The following LUZP1 variants were observed in gnomAD, a reference collection of about 807,000 sequenced individuals.
LUZP1 encodes the protein leucine zipper protein 1.
In LUZP1, 25 loss-of-function variants were observed where a neutral mutation model predicts 71.3. The observed-to-expected ratio is 0.35, with a 90% CI of 0.26 to 0.49. The LOEUF (loss-of-function observed/expected upper bound fraction) is 0.49. Among genes scored for constraint, LUZP1 ranks in the 20% least tolerant of loss-of-function variants. LUZP1 has a pLI of 0.99. For missense variants in LUZP1, 1,142 were observed against 1,300.8 expected, an observed-to-expected ratio of 0.88 and a Z score of 1.88; for synonymous variants, 481 against 506.4, an observed-to-expected ratio of 0.95 and a Z score of 0.67.
intron 2 of LUZP1, among the ~76,000 whole-genome samples, chr1:23,136,937 T>G (rs1644259378): frequency 6.6e-6 from 1 of 151,738 alleles, no homozygotes; most frequent in Admixed American, 6.6e-5. Context: ...AAATAAAAGT[T>G]CCCCAGTTCC....
At chr1:23,118,075 G>T (rs1644100207) in intron 2 of LUZP1, among the ~76,000 whole-genome samples, 1 of 152,056 alleles carries the variant, frequency 6.6e-6, no homozygotes, top group Non-Finnish European at 1.5e-5. Flanking sequence ...GGGCGACAGA[G>T]CGAGACTCCA....
chr1:23,173,350 C>CTTTTTTTTTTTTTTTTTTT (rs869169060), intron 1 of LUZP1, among the ~76,000 whole-genome samples: 441 of 80,262 alleles, frequency 5.5e-3, no homozygotes, highest in Non-Finnish European at 8.4e-3. Flanking sequence ...TTTGTTTTTT[C>CTTTTTTTTTTTTTTTTTTT]TTTTTTTTTT....
intron 2 of LUZP1, among the ~76,000 whole-genome samples, chr1:23,117,519 C>T (rs57019060): frequency 2.9e-4 from 9 of 31,022 alleles, no homozygotes; most frequent in South Asian, 2.0e-3. Context: ...GGGGGGGGGG[C>T]GGGGGGGGGG....
exon 4 of LUZP1, chr1:23,091,811 C>G (rs916031865): frequency 1.2e-6 from 2 of 1,613,948 alleles, no homozygotes; most frequent in Non-Finnish European, 1.7e-6. Context: ...TGGATGTGTG[C>G]CTCTCCCTCA....
chr1:23,121,122 A>C (rs1644126332), intron 2 of LUZP1, among the ~76,000 whole-genome samples: 1 of 152,226 alleles, frequency 6.6e-6, no homozygotes, highest in Non-Finnish European at 1.5e-5. Context: ...TTATAAACAA[A>C]GCTAAAAAAA....
intron 2 of LUZP1, among the ~76,000 whole-genome samples, chr1:23,126,597 C>G (rs1017967999): frequency 2.0e-5 from 3 of 152,194 alleles, no homozygotes; most frequent in African/African-American, 7.2e-5. Flanking sequence ...ATTCCTAGAA[C>G]CCAGAACAGT....
At chr1:23,096,002 A>T (rs1454898333) in intron 3 of LUZP1, among the ~76,000 whole-genome samples, 2 of 152,172 alleles carry the variant, frequency 1.3e-5, no homozygotes, top group Non-Finnish European at 2.9e-5. Flanking sequence ...TACAAAACAC[A>T]TAAAGATCCA....
chr1:23,110,126 G>A (rs1359895291), intron 2 of LUZP1, among the ~76,000 whole-genome samples: 1 of 152,150 alleles, frequency 6.6e-6, no homozygotes, highest in Admixed American at 6.5e-5. Context: ...TTAAACTCAA[G>A]TCTGTCTGAC....
At chr1:23,119,649 C>T (rs939165230) in intron 2 of LUZP1, among the ~76,000 whole-genome samples, 1 of 152,190 alleles carries the variant, frequency 6.6e-6, no homozygotes, top group African/African-American at 2.4e-5. Flanking sequence ...ACTTGTTACT[C>T]TCCTGTACCA....
intron 2 of LUZP1, among the ~76,000 whole-genome samples, chr1:23,146,632 T>C (rs1420277152): frequency 6.8e-6 from 1 of 146,364 alleles, no homozygotes; most frequent in Admixed American, 6.9e-5. Context: ...ACCCCATCTC[T>C]ATCAAAACAA....
At chr1:23,172,942 C>A (rs1046560744) in intron 1 of LUZP1, among the ~76,000 whole-genome samples, 5 of 151,866 alleles carry the variant, frequency 3.3e-5, no homozygotes, top group Admixed American at 1.3e-4. Context: ...CCTTCCCCAG[C>A]CTGCTGAGTA....
intron 2 of LUZP1, among the ~76,000 whole-genome samples, chr1:23,148,033 T>C (rs544578023): frequency 6.6e-6 from 1 of 152,372 alleles, no homozygotes; most frequent in South Asian, 2.1e-4. Context: ...TCTAATTACA[T>C]GAGAGTCACT....
At chr1:23,134,677 A>T (rs1043963757) in intron 2 of LUZP1, among the ~76,000 whole-genome samples, 1 of 151,936 alleles carries the variant, frequency 6.6e-6, no homozygotes, top group African/African-American at 2.4e-5. Flanking sequence ...GCTACTTGGG[A>T]GAGGCTGAGG....
At chr1:23,116,733 C>T (rs1203685250) in intron 2 of LUZP1, among the ~76,000 whole-genome samples, 1 of 152,136 alleles carries the variant, frequency 6.6e-6, no homozygotes, top group East Asian at 1.9e-4. Context: ...AGGGTACTAT[C>T]CTAGCACTGT....
At position 23,141,581 on chromosome 1, in the gene LUZP1, G is replaced by A. The variant is rs539267245; in HGVS notation, c.-226+27185C>T. Among the ~76,000 whole-genome samples, 52 of 152,304 alleles carry A rather than the reference G, an allele frequency of 3.4e-4. No homozygotes were observed. In the East Asian group the frequency reaches 4.2e-3, roughly 12 times the overall value. On this transcript the variant is annotated intron_variant, in intron 2 of 4. Transcript: ENST00000302291. ...GGGCAGCAAGGTGGGTGGGCACAGCGGTGCAGCCACCCCTCTGCCACATGG... is the reference window on the plus strand; with the variant it reads ...GGGCAGCAAGGTGGGTGGGCACAGCAGTGCAGCCACCCCTCTGCCACATGG...
chr1:23,094,300 A>G lies in LUZP1; in HGVS notation c.-39T>C, dbSNP rs776560606. On this transcript the variant is annotated 5_prime_UTR_variant, in exon 4 of 5. Transcript: ENST00000302291. This position sits in a 1 kb window ranked among gnomAD's most constrained non-coding sequence, Gnocchi z 4.7. Reference sequence around the variant, plus strand: ...CAATGTGGGCTCCTAGAGGCATCCAATTCCACTCAAGGGGATGAGAAATGG... The same window carrying G: ...CAATGTGGGCTCCTAGAGGCATCCAGTTCCACTCAAGGGGATGAGAAATGG... 7 of 1,537,540 alleles carry G rather than the reference A, an allele frequency of 4.6e-6. No homozygotes were observed. Among genetic ancestry groups the G allele is most frequent in the South Asian group, 2.6e-5 (2 of 76,840 alleles).
At chr1:23,165,139 CTA>C (rs1644499926) in intron 2 of LUZP1, among the ~76,000 whole-genome samples, 1 of 152,114 alleles carries the variant, frequency 6.6e-6, no homozygotes, top group Non-Finnish European at 1.5e-5. Flanking sequence ...CATTAACACT[CTA>C]ATATTCATTC....
chr1:23,167,954 G>A (rs1489578515), intron 2 of LUZP1, among the ~76,000 whole-genome samples: 1 of 151,688 alleles, frequency 6.6e-6, no homozygotes, highest in African/African-American at 2.4e-5. Context: ...CGCGGCGGGC[G>A]GGGGGAGGCC....
intron 2 of LUZP1, among the ~76,000 whole-genome samples, chr1:23,141,528 T>C (rs1307955625): frequency 2.0e-5 from 3 of 152,222 alleles, no homozygotes; most frequent in East Asian, 3.9e-4. Context: ...CCCAAGGACA[T>C]AGTATTCAGT....
Sources: gnomAD v4.1 joint callset for allele counts (sites outside exome capture counted in the v4.1 genomes callset) on GRCh38, gnomAD v4.1.1 for gene constraint, Gnocchi (gnomAD v3.1) non-coding constraint, MANE v1.5 for transcripts, NCBI Gene and HGNC (gene_info 2026-07-23, HGNC 2026-07-21) for gene names.